Variants in KCNQ3 observed in about 807,000 individuals in gnomAD.
The protein encoded by KCNQ3 is potassium voltage-gated channel subfamily KQT member 3.
Under a neutral mutation model 92.5 loss-of-function variants are expected in KCNQ3, and 30 were observed. The ratio of observed to expected loss-of-function variants is 0.32; its 90% CI spans 0.24 to 0.44. The LOEUF (loss-of-function observed/expected upper bound fraction) is 0.44, where lower values mean the gene tolerates loss of function less well. KCNQ3 is among the 20% of genes least tolerant of loss of function. The pLI is 1.00. For synonymous variants in KCNQ3, 450 were observed against 468.8 expected, an observed-to-expected ratio of 0.96 and a Z score of 0.52; for missense variants, 913 against 1,140.3, an observed-to-expected ratio of 0.80 and a Z score of 2.87.
chr8:132,467,243 A>G (rs1822194715), intron 1 of KCNQ3, among the ~76,000 whole-genome samples: 1 of 152,208 alleles, frequency 6.6e-6, no homozygotes, highest in African/African-American at 2.4e-5. Context: ...GCCACACCTT[A>G]GAACTATCTA....
intron 1 of KCNQ3, among the ~76,000 whole-genome samples, chr8:132,324,247 A>G (rs965805556): frequency 2.0e-5 from 3 of 152,146 alleles, no homozygotes; most frequent in African/African-American, 4.8e-5. Flanking sequence ...TAGCTTATAC[A>G]TGCTTCAGTT....
At chr8:132,210,849 T>C (rs1298489855) in intron 1 of KCNQ3, among the ~76,000 whole-genome samples, 1 of 152,222 alleles carries the variant, frequency 6.6e-6, no homozygotes, top group Non-Finnish European at 1.5e-5. Flanking sequence ...CACCACAGTA[T>C]TCTCATCTGG....
intron 1 of KCNQ3, among the ~76,000 whole-genome samples, chr8:132,412,732 C>T (rs1277731490): frequency 1.3e-5 from 2 of 152,144 alleles, no homozygotes; most frequent in Admixed American, 6.5e-5. Context: ...GGCCACCTCC[C>T]CTGCCCTGGG....
chr8:132,277,912 A>G (rs1280633437), intron 1 of KCNQ3: 1 of 979,210 alleles, frequency 1.0e-6, no homozygotes, highest in Non-Finnish European at 1.2e-6. Flanking sequence ...TCCTGCTCCT[A>G]CCTCCCTCTC....
intron 9 of KCNQ3, among the ~76,000 whole-genome samples, chr8:132,147,267 T>C (rs867478495): frequency 1.3e-5 from 2 of 152,178 alleles, no homozygotes; most frequent in Non-Finnish European, 2.9e-5. Flanking sequence ...AGGAAAAAGA[T>C]TGATAAATAA....
rs869112851 is a variant in KCNQ3, at chr8:132,154,193, G to GTTTTTTTTTTT, written c.1262+9264_1262+9274dup. 4.6e-3 allele frequency among the ~76,000 whole-genome samples: 127 copies of GTTTTTTTTTTT among 27,448 alleles called. 15 individuals are homozygous for GTTTTTTTTTTT. The highest frequency in any genetic ancestry group is 5.6e-3 in the Non-Finnish European group (82 of 14,648). The allele number at this position is 27,448 out of a possible 152,430, so 18.0% of individuals were successfully genotyped here. A position where few individuals can be genotyped will look rare whatever the true frequency, so the allele number is the denominator to read the frequency against. On this transcript the variant is annotated intron_variant, in intron 9 of 14. Transcript: ENST00000388996. ...CTGATGTACCATCAAAAGGGTAAAA[G>GTTTTTTTTTTT]TTTTTTTTTTTTTTTTTTTTTTTTT...
At chr8:132,277,076 A>T (rs117703095) in intron 1 of KCNQ3, among the ~76,000 whole-genome samples, 12,672 of 150,948 alleles carry the variant, frequency 0.084, 616 homozygotes, top group South Asian at 0.16. Context: ...ATAATTTTTA[A>T]AAAAAAAAAG....
At chr8:132,311,904 G>T (rs907933631) in intron 1 of KCNQ3, among the ~76,000 whole-genome samples, 1 of 152,168 alleles carries the variant, frequency 6.6e-6, no homozygotes, top group Non-Finnish European at 1.5e-5. Context: ...ATTAGTTAAA[G>T]AGGAATTATA....
At position 132,339,927 on chromosome 8, in the gene KCNQ3, A is replaced by C. The variant is rs149378321; in HGVS notation, c.386+140220T>G. On this transcript the variant is annotated intron_variant, in intron 1 of 14. Coordinates refer to ENST00000388996, the MANE Select transcript of KCNQ3 (RefSeq NM_004519.4). ...AACACAAAGGCCTTCTCTGTAAAGA[A>C]ATTTACTCTTCTGAGTGCGGGCAAC... Among the ~76,000 whole-genome samples, 1,210 of 152,180 alleles carry C rather than the reference A, an allele frequency of 8.0e-3. 17 individuals carry two copies. The highest frequency in any genetic ancestry group is 0.021 in the African/African-American group (884 of 41,518).
chr8:132,448,502 GAAAAAAAAA>G, intron 1 of KCNQ3, among the ~76,000 whole-genome samples: 45 of 93,884 alleles, frequency 4.8e-4, no homozygotes, highest in Admixed American at 2.4e-4. Context: ...GGAGAAATAT[GAAAAAAAAA>G]AAAAAAAAAA....
Position 132,338,915 on chromosome 8 carries a change from G to A in KCNQ3, c.386+141232C>T, listed in dbSNP as rs147562592. ...GGGGCTTGTACAACGTGGGTCAGGG[G>A]GAGAGGGAGGTCAGCTAGCTTGGTC... On this transcript the variant is annotated intron_variant, in intron 1 of 14. Coordinates refer to ENST00000388996, the MANE Select transcript of KCNQ3 (RefSeq NM_004519.4). Among the ~76,000 whole-genome samples, 21 of 152,326 alleles carry A rather than the reference G, an allele frequency of 1.4e-4. 1 individual carries two copies. In the East Asian group the frequency reaches 4.0e-3, roughly 29 times the overall value.
At chr8:132,305,450 T>A (rs1817389516) in intron 1 of KCNQ3, among the ~76,000 whole-genome samples, 1 of 152,156 alleles carries the variant, frequency 6.6e-6, no homozygotes, top group African/African-American at 2.4e-5. Flanking sequence ...CTTCCCTAAC[T>A]CCCCTTTTTT....
At chr8:132,130,153 G>C (rs1050721856) in intron 14 of KCNQ3, among the ~76,000 whole-genome samples, 157 bp from the exon 15 acceptor site, 6 of 151,382 alleles carry the variant, frequency 4.0e-5, no homozygotes, top group Non-Finnish European at 4.4e-5. Flanking sequence ...CGCGATCTGG[G>C]CTCATTGCAA....
intron 1 of KCNQ3, among the ~76,000 whole-genome samples, chr8:132,453,044 C>T (rs1251326685): frequency 6.6e-6 from 1 of 152,152 alleles, no homozygotes; most frequent in Non-Finnish European, 1.5e-5. Context: ...GAAGCCCCTC[C>T]TGGATCCGAA....
Position 132,394,642 on chromosome 8 carries a change from C to G in KCNQ3, c.386+85505G>C, listed in dbSNP as rs544598707. The stretch of plus-strand genomic sequence containing the variant: ...AAGTGGTACCCTACCCTACTTAACA[C>G]ACTGGTTATTATCAATGATGACAAT... On this transcript the variant is annotated intron_variant, in intron 1 of 14. Coordinates refer to ENST00000388996, the MANE Select transcript of KCNQ3 (RefSeq NM_004519.4). 3.9e-5 allele frequency among the ~76,000 whole-genome samples: 6 copies of G among 152,220 alleles called. No individual in the cohort carries two copies. In the East Asian group the frequency reaches 1.2e-3, roughly 29 times the overall value.
At chr8:132,353,788 T>C (rs1468871493) in intron 1 of KCNQ3, among the ~76,000 whole-genome samples, 2 of 152,176 alleles carry the variant, frequency 1.3e-5, no homozygotes, top group African/African-American at 4.8e-5. Flanking sequence ...CACTCCAGCC[T>C]AGGTGACAGA....
chr8:132,445,054 T>A (rs570453305), intron 1 of KCNQ3, among the ~76,000 whole-genome samples: 1 of 152,290 alleles, frequency 6.6e-6, no homozygotes, highest in Admixed American at 6.5e-5. Flanking sequence ...CTGCACCCGA[T>A]CAATATCACC....
At chr8:132,388,740 T>A (rs557763484) in intron 1 of KCNQ3, among the ~76,000 whole-genome samples, 2 of 152,240 alleles carry the variant, frequency 1.3e-5, no homozygotes, top group African/African-American at 2.4e-5. Flanking sequence ...ATAGACAAGA[T>A]GCTTCTCTTC....
At chr8:132,176,001 A>T (rs1404568014) in intron 4 of KCNQ3, among the ~76,000 whole-genome samples, 1 of 152,194 alleles carries the variant, frequency 6.6e-6, no homozygotes, top group East Asian at 1.9e-4. Flanking sequence ...CGGTACAACC[A>T]GGAAAGCAGG....
Sources: allele counts gnomAD v4.1 joint callset (sites outside exome capture counted in the v4.1 genomes callset), GRCh38; gene constraint gnomAD v4.1.1; transcripts MANE v1.5; gene names NCBI Gene and HGNC (gene_info 2026-07-23, HGNC 2026-07-21).